The following EXOC6B variants were observed in gnomAD, a reference collection of about 807,000 sequenced individuals.
The protein encoded by EXOC6B is SEC15 homolog B.
EXOC6B carries 54 observed loss-of-function variants against 113.5 expected under a neutral mutation model. The ratio of observed to expected loss-of-function variants is 0.48; its 90% CI spans 0.38 to 0.60. The LOEUF is 0.60. Ranked by LOEUF, EXOC6B falls within the 20% of genes least tolerant of loss-of-function variation. EXOC6B has a pLI of 0.00. For synonymous variants in EXOC6B, 357 were observed against 339.0 expected, an observed-to-expected ratio of 1.05 and a Z score of -0.58; for missense variants, 797 against 977.5, an observed-to-expected ratio of 0.82 and a Z score of 2.46.
At chr2:72,810,750 T>C (rs1685861413) in intron 1 of EXOC6B, among the ~76,000 whole-genome samples, 3 of 151,966 alleles carry the variant, frequency 2.0e-5, no homozygotes, top group Admixed American at 6.6e-5. Context: ...AAAAAGGGAA[T>C]ATAACCATAC....
intron 6 of EXOC6B, among the ~76,000 whole-genome samples, chr2:72,587,362 A>C (rs1387086127): frequency 1.3e-5 from 2 of 152,180 alleles, no homozygotes; most frequent in African/African-American, 4.8e-5. Flanking sequence ...AGAACTAAGC[A>C]TTGGGTAATC....
intron 18 of EXOC6B, among the ~76,000 whole-genome samples, chr2:72,407,096 G>A (rs929638168): frequency 1.3e-5 from 2 of 152,082 alleles, no homozygotes; most frequent in African/African-American, 4.8e-5. Flanking sequence ...CCTCTATGCA[G>A]ATAAACTAGA....
At chr2:72,434,892 T>C (rs1177494049) in intron 18 of EXOC6B, among the ~76,000 whole-genome samples, 2 of 152,174 alleles carry the variant, frequency 1.3e-5, no homozygotes, top group African/African-American at 4.8e-5. Context: ...GGGTTTTTCA[T>C]GTCTCTATCT....
intron 6 of EXOC6B, among the ~76,000 whole-genome samples, chr2:72,666,130 A>G (rs1675370945): frequency 6.6e-6 from 1 of 152,210 alleles, no homozygotes; most frequent in African/African-American, 2.4e-5. Flanking sequence ...TGATTCAACA[A>G]GACTTAACTA....
chr2:72,819,110 G>T (rs1686443326), intron 1 of EXOC6B, among the ~76,000 whole-genome samples: 1 of 152,228 alleles, frequency 6.6e-6, no homozygotes, highest in African/African-American at 2.4e-5. Flanking sequence ...AATATTGAAT[G>T]AATATATGAA....
intron 20 of EXOC6B, among the ~76,000 whole-genome samples, chr2:72,185,178 AC>A (rs747538702): frequency 2.0e-5 from 3 of 152,280 alleles, no homozygotes; most frequent in Non-Finnish European, 4.4e-5. Context: ...CCCTCACAGT[AC>A]TTTTTGACTC....
At chr2:72,656,552 T>C (rs1328796352) in intron 6 of EXOC6B, among the ~76,000 whole-genome samples, 2 of 152,160 alleles carry the variant, frequency 1.3e-5, no homozygotes, top group Admixed American at 6.5e-5. Context: ...CAGTAAGGTA[T>C]AAATGTTTCC....
At chr2:72,400,609 C>A (rs533745795) in intron 18 of EXOC6B, among the ~76,000 whole-genome samples, 2 of 151,034 alleles carry the variant, frequency 1.3e-5, no homozygotes, top group East Asian at 3.9e-4. Context: ...AAATAAATAA[C>A]CCCATTAAAA....
chr2:72,310,312 C>CA (rs1687109675), intron 20 of EXOC6B, among the ~76,000 whole-genome samples: 2 of 152,024 alleles, frequency 1.3e-5, no homozygotes, highest in African/African-American at 4.8e-5. Context: ...TTCCATTTTT[C>CA]AAAAAATTAT....
At chr2:72,421,596 A>C (rs896219304) in intron 18 of EXOC6B, among the ~76,000 whole-genome samples, 14 of 152,258 alleles carry the variant, frequency 9.2e-5, no homozygotes, top group African/African-American at 3.4e-4. Flanking sequence ...ATTTCCCAAT[A>C]TAGCATTCAC....
At chr2:72,589,226 T>G (rs1269427359) in intron 6 of EXOC6B, among the ~76,000 whole-genome samples, 1 of 151,820 alleles carries the variant, frequency 6.6e-6, no homozygotes, top group Admixed American at 6.6e-5. Flanking sequence ...ATAAATTCAG[T>G]GCAAAAAAAG....
At chr2:72,225,159 T>C (rs1197892619) in intron 20 of EXOC6B, among the ~76,000 whole-genome samples, 1 of 151,748 alleles carries the variant, frequency 6.6e-6, no homozygotes, top group Non-Finnish European at 1.5e-5. Flanking sequence ...GCCTATTTTA[T>C]TTTAGACATC....
Position 72,520,324 on chromosome 2 carries a change from G to T in EXOC6B, c.916-5198C>A, listed in dbSNP as rs555642272. On this transcript the variant is annotated intron_variant, in intron 8 of 21. Transcript: ENST00000272427. ...CTCCTACTGCAATAATCATTTACTT[G>T]TAAGTATTCCTATTCATCTCCTCAT... Among the ~76,000 whole-genome samples, 571 of 152,168 alleles carry T rather than the reference G, an allele frequency of 3.8e-3. 3 individuals carry two copies. The highest frequency in any genetic ancestry group is 0.013 in the African/African-American group (544 of 41,496).
intron 20 of EXOC6B, among the ~76,000 whole-genome samples, chr2:72,279,468 C>CT (rs1684997442): frequency 6.6e-6 from 1 of 152,116 alleles, no homozygotes. Context: ...TAAAGAGTAG[C>CT]TTTTTTTGTA....
intron 8 of EXOC6B, among the ~76,000 whole-genome samples, chr2:72,538,952 G>A (rs552671857): frequency 6.6e-6 from 1 of 152,258 alleles, no homozygotes; most frequent in South Asian, 2.1e-4. Flanking sequence ...AATAGGCATT[G>A]GCAGAAATAA....
At chr2:72,411,029 T>C (rs1558642349) in intron 18 of EXOC6B, among the ~76,000 whole-genome samples, 1 of 152,180 alleles carries the variant, frequency 6.6e-6, no homozygotes, top group East Asian at 1.9e-4. Context: ...AGCAACATAG[T>C]GAAACCCTGT....
chr2:72,555,007 T>A (rs932732271), intron 8 of EXOC6B, among the ~76,000 whole-genome samples: 2 of 152,200 alleles, frequency 1.3e-5, no homozygotes, highest in Non-Finnish European at 2.9e-5. Flanking sequence ...CATGTGGTGT[T>A]TGGTTTTCTG....
At chr2:72,629,769 C>G (rs1205380033) in intron 6 of EXOC6B, among the ~76,000 whole-genome samples, 1 of 152,160 alleles carries the variant, frequency 6.6e-6, no homozygotes. Flanking sequence ...AGAATAGTTA[C>G]AAGAAGTGAA....
chr2:72,700,267 C>CAT (rs1678220307), intron 6 of EXOC6B, among the ~76,000 whole-genome samples: 1 of 151,854 alleles, frequency 6.6e-6, no homozygotes. Flanking sequence ...CACACACACA[C>CAT]ACACAAAGTT....
Sources: allele counts gnomAD v4.1 joint callset (sites outside exome capture counted in the v4.1 genomes callset), GRCh38; gene constraint gnomAD v4.1.1; transcripts MANE v1.5; gene names NCBI Gene and HGNC (gene_info 2026-07-23, HGNC 2026-07-21).